Variants in DPP7 observed in about 807,000 individuals in gnomAD.
DPP7 encodes the protein dipeptidyl peptidase 2.
DPP7 carries 74 observed loss-of-function variants against 58.8 expected under a neutral mutation model. The observed-to-expected ratio is 1.26, with a 90% CI of 1.04 to 1.53. DPP7 has a LOEUF of 1.53. Ranked by LOEUF, DPP7 falls within the 40% of genes most tolerant of loss-of-function variation. The probability of loss-of-function intolerance (pLI) is 0.00; values close to 1 mark genes in which losing one functional copy is unlikely to be tolerated. For missense variants in DPP7, 807 were observed against 692.3 expected (o/e 1.17, Z -1.86); for synonymous variants, 350 against 303.6 (o/e 1.15, Z -1.59).
chr9:137,112,635 A>C (rs1289634210), intron 8 of DPP7, 110 bp downstream of exon 8: 1 of 1,308,704 alleles, frequency 7.6e-7, no homozygotes, highest in Admixed American at 2.1e-5. Context: ...GCCCTGGGGC[A>C]GGAGGCAAAG....
rs946222740 is a variant in DPP7, at chr9:137,114,583, G to A, written c.68-7C>T. The A allele has an allele frequency of 1.3e-6, 2 of 1,518,082 alleles. No homozygotes were observed. The highest frequency in any genetic ancestry group is 2.1e-5 in the Admixed American group (1 of 47,454). 94.0% of individuals were successfully genotyped at this position (1,518,082 alleles called of 1,614,324 possible). ...GGGTCCGGGGCCCTGCGGGCTGTGG[G>A]GGGACGCGAACCTCAGAGGCGGGGC... On this transcript the variant is annotated splice_polypyrimidine_tract_variant and splice_region_variant and intron_variant, in intron 1 of 12. Transcript: ENST00000371579.
chr9:137,115,651 G>C (rs1207631478), upstream of DPP7, among the ~76,000 whole-genome samples: 1 of 152,084 alleles, frequency 6.6e-6, no homozygotes, highest in Non-Finnish European at 1.5e-5. Flanking sequence ...GGAGAAGACC[G>C]GCCACTTCCA....
Position 137,111,030 on chromosome 9 carries a change from G to GT in DPP7, c.1273-81dup. The GT allele has an allele frequency of 3.6e-6, 5 of 1,382,418 alleles. No individual in the cohort carries two copies. In the South Asian group the frequency reaches 6.1e-5, roughly 17 times the overall value. The allele number at this position is 1,382,418 out of a possible 1,614,324, so 85.6% of individuals were successfully genotyped here. On this transcript the variant is annotated intron_variant, in intron 11 of 12. Coordinates refer to ENST00000371579, the MANE Select transcript of DPP7 (RefSeq NM_013379.3). ...TCCGTGGGCCCATTGGAGAGGAGAC[G>GT]TGAGAGGGCGAGCCGAGACTCAGTG... is the stretch of plus-strand genomic sequence containing the variant.
upstream of DPP7, among the ~76,000 whole-genome samples, chr9:137,115,739 C>T (rs1831617720): frequency 6.6e-6 from 1 of 152,114 alleles, no homozygotes; most frequent in South Asian, 2.1e-4. Context: ...CTGGGGCCCT[C>T]AGCATGGTGG....
intron 8 of DPP7, chr9:137,112,475 C>G (rs1164466238): frequency 1.6e-6 from 1 of 623,912 alleles, no homozygotes; most frequent in African/African-American, 1.8e-5. Context: ...CTGCTGCCCT[C>G]TGTTGCCCTC....
chr9:137,114,312 G>T lies in DPP7; in HGVS notation c.252C>A (p.Phe84Leu). Residue 84 changes from phenylalanine to leucine, a missense_variant, in exon 3 of 13, where the codon TTC (phenylalanine) becomes TTA (leucine). By Grantham distance (22) the Phe-to-Leu change is conservative. This residue lies in a region of DPP7 where 168 missense variants were observed against 124.1 expected (regional missense o/e 1.35). Coordinates refer to ENST00000371579, the MANE Select transcript of DPP7 (RefSeq NM_013379.3). ...YTGNEGDVWA[F>L]ANNSAFVAEL... ...CCGCGACGAAGGCCGAGTTGTTGGC[G>T]AAGGCCCACACGTCGCCCTCGTTCC... 1 of 1,605,254 alleles carries T rather than the reference G, an allele frequency of 6.2e-7. No individual in the cohort carries two copies. Among genetic ancestry groups the T allele is most frequent in the East Asian group, 2.3e-5 (1 of 44,226 alleles).
At chr9:137,115,444 G>C (rs755136380), upstream of DPP7, among the ~76,000 whole-genome samples, 1 of 152,210 alleles carries the variant, frequency 6.6e-6, no homozygotes, top group Non-Finnish European at 1.5e-5. Flanking sequence ...AGTTCAGGGA[G>C]TGGGTGAGGG....
At chr9:137,116,991 TC>T (rs1161167226), upstream of DPP7, among the ~76,000 whole-genome samples, 4 of 152,212 alleles carry the variant, frequency 2.6e-5, no homozygotes, top group Admixed American at 6.5e-5. Context: ...GCTCACATTT[TC>T]TTGCTGACCT....
Position 137,114,645 on chromosome 9 carries a change from A to T in DPP7, c.67+2T>A. ...AATGGGCCGGGGGGCGCCGCCACTC[A>T]CCCCCCGCCTGGAGGCCGCGCAGCC... is the stretch of plus-strand genomic sequence containing the variant. On this transcript the variant is annotated splice_donor_variant, in intron 1 of 12. Coordinates refer to ENST00000371579, the MANE Select transcript of DPP7 (RefSeq NM_013379.3). LOFTEE classifies it high-confidence loss of function. 2.9e-6 allele frequency: 4 copies of T among 1,375,168 alleles called. No individual in the cohort carries two copies. The allele number at this position is 1,375,168 out of a possible 1,614,324, so 85.2% of individuals were successfully genotyped here.
chr9:137,112,466 T>C, intron 8 of DPP7: 3 of 622,050 alleles, frequency 4.8e-6, no homozygotes, highest in Non-Finnish European at 8.4e-6. Context: ...GGGTGGGGCC[T>C]GCTGCCCTCT....
chr9:137,113,748 G>A (rs1010495671), intron 4 of DPP7, 117 bp downstream of exon 4: 10 of 1,407,310 alleles, frequency 7.1e-6, no homozygotes, highest in Non-Finnish European at 8.3e-6. Flanking sequence ...TGGAACCACT[G>A]CCTGAGGCCT....
intron 8 of DPP7, 122 bp from the exon 9 acceptor site, chr9:137,112,352 C>T: frequency 1.2e-6 from 1 of 834,508 alleles, no homozygotes; most frequent in Non-Finnish European, 1.8e-6. Flanking sequence ...ATCTGTAGGT[C>T]CCAGTGAGGA....
chr9:137,114,646 C>T lies in DPP7; in HGVS notation c.67+1G>A. ...ATGGGCCGGGGGGCGCCGCCACTCACCCCCCGCCTGGAGGCCGCGCAGCCC... is the reference window on the plus strand; with the variant it reads ...ATGGGCCGGGGGGCGCCGCCACTCATCCCCCGCCTGGAGGCCGCGCAGCCC... On this transcript the variant is annotated splice_donor_variant, in intron 1 of 12. Transcript: ENST00000371579. LOFTEE classifies it high-confidence loss of function. 8.0e-6 allele frequency: 11 copies of T among 1,379,314 alleles called. No individual in the cohort carries two copies. The highest frequency in any genetic ancestry group is 3.8e-5 in the Admixed American group (1 of 26,022). The allele number at this position is 1,379,314 out of a possible 1,614,324, so 85.4% of individuals were successfully genotyped here.
At chr9:137,114,827 C>T, upstream of DPP7, 1 of 713,632 alleles carries the variant, frequency 1.4e-6, no homozygotes, top group Non-Finnish European at 1.9e-6. Flanking sequence ...GAGACCGTCG[C>T]TGCTTCAGCG....
chr9:137,113,815 G>C, intron 4 of DPP7, 50 bp downstream of exon 4: 1 of 1,414,582 alleles, frequency 7.1e-7, no homozygotes, highest in South Asian at 1.4e-5. Flanking sequence ...TGGGGGCGCT[G>C]GGTCGGGGCA....
chr9:137,112,855 C>T (rs753645270), intron 7 of DPP7, 50 bp from the exon 8 acceptor site: 25 of 1,601,400 alleles, frequency 1.6e-5, no homozygotes, highest in African/African-American at 4.0e-5. Flanking sequence ...CCACCAGCTC[C>T]GCCTCCCTGG....
At chr9:137,113,803 G>T in intron 4 of DPP7, 62 bp downstream of exon 4, 1 of 1,385,066 alleles carries the variant, frequency 7.2e-7, no homozygotes, top group Non-Finnish European at 9.5e-7. Flanking sequence ...GGGGAGAAGG[G>T]CTGGGGGCGC....
At chr9:137,115,534 G>A (rs900754697), upstream of DPP7, among the ~76,000 whole-genome samples, 4 of 152,166 alleles carry the variant, frequency 2.6e-5, no homozygotes, top group African/African-American at 9.7e-5. Context: ...GCCCAGAACA[G>A]GTGCAGGGGC....
rs935877699 is a variant in DPP7 at position 137,114,031 on chromosome 9, G to C, written c.322-3C>G. 1 of 1,458,612 alleles carries C rather than the reference G, an allele frequency of 6.9e-7. No homozygotes were observed. Among genetic ancestry groups the C allele is most frequent in the Non-Finnish European group, 9.1e-7 (1 of 1,097,714 alleles). 90.4% of individuals were successfully genotyped at this position (1,458,612 alleles called of 1,614,324 possible). ...GGCAGCGACTTCCCGTAGTAGCGCTGGGGGAACGTGCCATTGAGCCCGGCC... is the reference window on the plus strand; with the variant it reads ...GGCAGCGACTTCCCGTAGTAGCGCTCGGGGAACGTGCCATTGAGCCCGGCC... On this transcript the variant is annotated splice_region_variant and splice_polypyrimidine_tract_variant and intron_variant, in intron 3 of 12. Transcript: ENST00000371579.
Sources: gnomAD v4.1 joint callset for allele counts (sites outside exome capture counted in the v4.1 genomes callset) on GRCh38, gnomAD v4.1.1 for gene constraint, gnomAD v4.1.1 regional missense constraint, MANE v1.5 for transcripts, NCBI Gene and HGNC (gene_info 2026-07-23, HGNC 2026-07-21) for gene names.